Variants in SCYL2 observed in about 807,000 individuals in gnomAD.
SCYL2 encodes the protein SCY1 like pseudokinase 2, also known as SCY1-like protein 2.
Under a neutral mutation model 100.4 loss-of-function variants are expected in SCYL2, and 36 were observed. The observed-to-expected ratio is 0.36, with a 90% confidence interval of 0.27 to 0.47. The LOEUF is 0.47. SCYL2 is among the 20% of genes least tolerant of loss of function. The pLI, the probability that SCYL2 is intolerant of heterozygous loss-of-function variation, is 1.00. For synonymous variants in SCYL2, 330 were observed against 359.2 expected (o/e 0.92, Z 0.92); for missense variants, 902 against 1,083.9 (o/e 0.83, Z 2.36).
chr12:100,277,022 T>C (rs2096293239), intron 1 of SCYL2, among the ~76,000 whole-genome samples: 1 of 152,180 alleles, frequency 6.6e-6, no homozygotes, highest in African/African-American at 2.4e-5. Context: ...AAGCGTTGAT[T>C]AATTTCCATA....
At chr12:100,309,133 T>C (rs10161355) in intron 4 of SCYL2, among the ~76,000 whole-genome samples, 9,785 of 150,086 alleles carry the variant, frequency 0.065, 346 homozygotes, top group South Asian at 0.091. Flanking sequence ...TGTGTGTGTG[T>C]GCGCGCGCGT....
chr12:100,299,787 G>C (rs892157761), intron 4 of SCYL2, among the ~76,000 whole-genome samples: 1 of 151,580 alleles, frequency 6.6e-6, no homozygotes. Flanking sequence ...GTTGTTTCTA[G>C]TTTTTGGCTA....
In SCYL2 at chr12:100,339,307, C is replaced by A; in HGVS notation, c.*135C>A. 1 of 862,994 alleles carries A rather than the reference C, an allele frequency of 1.2e-6. No homozygotes were observed. The highest frequency in any genetic ancestry group is 1.8e-6 in the Non-Finnish European group (1 of 570,404). 53.5% of individuals were successfully genotyped at this position (862,994 alleles called of 1,614,324 possible). On this transcript the variant is annotated 3_prime_UTR_variant, in exon 18 of 18. Transcript: ENST00000360820. The stretch of plus-strand genomic sequence containing the variant: ...GTTCTGTGACAGGAAACATCTCTGT[C>A]CATGCCAGCATAGTAGTTGTATGGA...
At chr12:100,317,090 G>T (rs2096349729) in intron 9 of SCYL2, among the ~76,000 whole-genome samples, 1 of 149,858 alleles carries the variant, frequency 6.7e-6, no homozygotes, top group South Asian at 2.1e-4. Context: ...AGTGAGTGAG[G>T]CCCTGTCTCA....
chr12:100,331,525 T>G (rs1358187397), intron 13 of SCYL2, among the ~76,000 whole-genome samples: 2 of 152,140 alleles, frequency 1.3e-5, no homozygotes, highest in East Asian at 3.9e-4. Flanking sequence ...GGAGGATTGC[T>G]TGAGCCTGGG....
chr12:100,301,557 C>T (rs2096327706), intron 4 of SCYL2, among the ~76,000 whole-genome samples: 1 of 152,210 alleles, frequency 6.6e-6, no homozygotes, highest in South Asian at 2.1e-4. Context: ...TAGGGCATTA[C>T]TCAAGAATTC....
intron 3 of SCYL2, among the ~76,000 whole-genome samples, chr12:100,295,976 T>C (rs188941924): frequency 7.2e-5 from 11 of 152,304 alleles, no homozygotes; most frequent in East Asian, 5.8e-4. Context: ...CCTGGTAGGC[T>C]CTTTATGAGT....
intron 2 of SCYL2, among the ~76,000 whole-genome samples, chr12:100,290,480 C>T (rs2096309288): frequency 6.6e-6 from 1 of 152,032 alleles, no homozygotes. Context: ...GGACTTTTTG[C>T]AGTGAATCTC....
chr12:100,299,624 C>G (rs921382627), intron 4 of SCYL2, among the ~76,000 whole-genome samples: 10 of 151,884 alleles, frequency 6.6e-5, no homozygotes, highest in African/African-American at 2.4e-4. Flanking sequence ...CATATGGTAC[C>G]TATTCTTTTT....
rs753250043 is a variant in SCYL2, at chr12:100,312,510, T to C, written c.709T>C (p.Tyr237His). 17 of 1,613,926 alleles carry C rather than the reference T, an allele frequency of 1.1e-5. No individual in the cohort carries two copies. Among genetic ancestry groups the C allele is most frequent in the Non-Finnish European group, 1.4e-5 (17 of 1,179,904 alleles). The change falls in exon 6 of 18, where the codon TAC becomes CAC. Residue 237 changes from tyrosine to histidine, a missense_variant. Coordinates refer to ENST00000360820, the MANE Select transcript of SCYL2 (RefSeq NM_017988.6). ...LPNPEYLAPEYILSVSCETAS... is the reference protein window; with the variant it reads ...LPNPEYLAPEHILSVSCETAS... ...AAATCCTGAATATTTGGCTCCTGAA[T>C]ACATACTTTCTGTGAGCTGTGAAAC...
intron 5 of SCYL2, among the ~76,000 whole-genome samples, chr12:100,312,067 A>C (rs1250135709): frequency 6.6e-6 from 1 of 152,182 alleles, no homozygotes; most frequent in South Asian, 2.1e-4. Context: ...TGAACTTTTT[A>C]ACTAAATCAC....
At chr12:100,280,858 A>G (rs953863156) in intron 1 of SCYL2, among the ~76,000 whole-genome samples, 4 of 152,094 alleles carry the variant, frequency 2.6e-5, no homozygotes, top group African/African-American at 2.4e-5. Context: ...TAAATATTCA[A>G]CCTGTAACAA....
intron 4 of SCYL2, among the ~76,000 whole-genome samples, chr12:100,303,597 C>T (rs997898740): frequency 9.9e-5 from 15 of 152,218 alleles, no homozygotes; most frequent in South Asian, 2.1e-4. Context: ...CGCTGCAGAA[C>T]AGCAAAGATT....
chr12:100,322,934 C>T (rs1178045322), intron 10 of SCYL2, among the ~76,000 whole-genome samples: 2 of 148,686 alleles, frequency 1.3e-5, no homozygotes, highest in African/African-American at 5.0e-5. Context: ...AGGCTGAGGC[C>T]AGAGGATCCC....
chr12:100,313,436 A>G lies in SCYL2; in HGVS notation c.867A>G (p.Gly289=). 1 of 1,558,258 alleles carries G rather than the reference A, an allele frequency of 6.4e-7. No individual in the cohort carries two copies. The highest frequency in any genetic ancestry group is 8.8e-7 in the Non-Finnish European group (1 of 1,131,658). ...SRQLDQLSRL[G]SSSLTNIPEE... is the part of the protein sequence containing the mutation. Reference sequence around the variant, plus strand: ...CTTTTGAATAGTTGAGTCGTTTAGGATCTAGTTCACTTACAAATATACCTG... The same window carrying G: ...CTTTTGAATAGTTGAGTCGTTTAGGGTCTAGTTCACTTACAAATATACCTG... Residue 289 remains glycine (G), a synonymous_variant, in exon 7 of 18, where the codon GGA becomes GGG. Transcript: ENST00000360820.
chr12:100,338,018 T>C (rs1225576997), intron 17 of SCYL2, among the ~76,000 whole-genome samples: 2 of 152,172 alleles, frequency 1.3e-5, no homozygotes, highest in African/African-American at 4.8e-5. Context: ...CTGTTACTGG[T>C]TTCAGAGATA....
chr12:100,295,900 C>T (rs1326445261), intron 3 of SCYL2, among the ~76,000 whole-genome samples: 1 of 152,160 alleles, frequency 6.6e-6, no homozygotes, highest in Non-Finnish European at 1.5e-5. Context: ...GGGCTGTGAG[C>T]TCCATGGAGC....
At chr12:100,277,403 TC>T (rs2096293688) in intron 1 of SCYL2, among the ~76,000 whole-genome samples, 1 of 152,224 alleles carries the variant, frequency 6.6e-6, no homozygotes, top group South Asian at 2.1e-4. Context: ...TTCTGTCAGT[TC>T]TGCCACTTTT....
chr12:100,281,882 A>AAAGT (rs1235822729), intron 1 of SCYL2, among the ~76,000 whole-genome samples: 1 of 152,026 alleles, frequency 6.6e-6, no homozygotes, highest in Non-Finnish European at 1.5e-5. Context: ...AGTAAAGTGT[A>AAAGT]AAGTGTTAGC....
Sources: gnomAD v4.1 joint callset for allele counts (sites outside exome capture counted in the v4.1 genomes callset) on GRCh38, gnomAD v4.1.1 for gene constraint, MANE v1.5 for transcripts, NCBI Gene and HGNC (gene_info 2026-07-23, HGNC 2026-07-21) for gene names.